The following FAM83G variants were observed in gnomAD, a reference collection of about 807,000 sequenced individuals.
FAM83G encodes the protein scaffolding CK1 anchoring protein G.
Under a neutral mutation model 61.5 loss-of-function variants are expected in FAM83G, and 38 were observed. The observed-to-expected ratio is 0.62, with a 90% CI of 0.48 to 0.81. FAM83G has a LOEUF of 0.81. FAM83G is among the 30% of genes least tolerant of loss of function. FAM83G has a pLI of 0.00. For synonymous variants in FAM83G, 470 were observed against 476.1 expected (o/e 0.99, Z 0.17); for missense variants, 989 against 1,133.6 (o/e 0.87, Z 1.83).
At position 18,970,279 on chromosome 17, in the gene FAM83G, G is replaced by A. The variant is rs1210940520; in HGVS notation, c.*1080C>T. 2.6e-5 allele frequency: 4 copies of A among 152,328 alleles called. No homozygotes were observed. Among genetic ancestry groups the A allele is most frequent in the Non-Finnish European group, 5.9e-5 (4 of 68,162 alleles). 9.4% of individuals were successfully genotyped at this position (152,328 alleles called of 1,614,324 possible). On this transcript the variant is annotated 3_prime_UTR_variant, in exon 6 of 6. Coordinates refer to ENST00000388995, the MANE Select transcript of FAM83G (RefSeq NM_001039999.3). ...CAGGCTTCTCCCTCTCAGACCAGGG[G>A]CTCTAGTGTCCCTGGGACCCACCGC...
At position 18,980,302 on chromosome 17, in the gene FAM83G, C is replaced by T. The variant is rs542080045; in HGVS notation, c.691-629G>A. On this transcript the variant is annotated intron_variant, in intron 3 of 5. Transcript: ENST00000388995. ...CATGGCCAGGACACCACCCAGCACC[C>T]AGGCCAGGTCCTGTAAATGGTCAGA... Among the ~76,000 whole-genome samples the T allele has an allele frequency of 2.1e-4, 32 of 152,268 alleles. No individual in the cohort carries two copies. In the East Asian group the frequency reaches 5.0e-3, roughly 24 times the overall value.
chr17:19,004,088 C>T lies in FAM83G; in HGVS notation c.-47G>A. The T allele has an allele frequency of 1.3e-6, 2 of 1,534,292 alleles. No homozygotes were observed. Among genetic ancestry groups the T allele is most frequent in the Non-Finnish European group, 1.8e-6 (2 of 1,141,316 alleles). On this transcript the variant is annotated 5_prime_UTR_variant, in exon 2 of 6. The change creates a premature stop within an existing upstream ORF in the 5' untranslated region. Transcript: ENST00000388995. This position sits in a 1 kb window ranked among gnomAD's most constrained non-coding sequence, Gnocchi z 5.4. ...GCTGCCGGGGGTGGGTGGGCAAGGT[C>T]CAGCTCCTAGCTCCGGCCCAGCTGG...
upstream of FAM83G, among the ~76,000 whole-genome samples, chr17:19,005,043 C>A (rs1163370950): frequency 1.3e-5 from 2 of 152,226 alleles, no homozygotes; most frequent in Non-Finnish European, 2.9e-5. Context: ...CCCTGTGCCC[C>A]CAGGGTCTGT....
At chr17:19,004,930 G>A (rs1739735014), upstream of FAM83G, 1 of 152,218 alleles carries the variant, frequency 6.6e-6, no homozygotes, top group Admixed American at 6.5e-5. The surrounding 1 kb of genome is among the most constrained non-coding windows in gnomAD (Gnocchi z 5.4). Flanking sequence ...CCCGAATTCC[G>A]AAAATATCAG....
In FAM83G at chr17:19,004,015, C is replaced by G; in HGVS notation, c.27G>C (p.Leu9=). The change falls in exon 2 of 6, where the codon CTG becomes CTC. Residue 9 remains leucine, a synonymous_variant. Coordinates refer to ENST00000388995, the MANE Select transcript of FAM83G (RefSeq NM_001039999.3). This position sits in a 1 kb window ranked among gnomAD's most constrained non-coding sequence, Gnocchi z 5.4. MAFSQVQC[L]DDNHVNWRSS... ...AGCGCCAGTTCACATGGTTGTCGTCCAGACACTGCACCTGAGAGAAGGCCA... is the reference window on the plus strand; with the variant it reads ...AGCGCCAGTTCACATGGTTGTCGTCGAGACACTGCACCTGAGAGAAGGCCA... 6.2e-7 allele frequency: 1 copy of G among 1,607,884 alleles called. No homozygotes were observed. Among genetic ancestry groups the G allele is most frequent in the Non-Finnish European group, 8.5e-7 (1 of 1,176,968 alleles).
intron 5 of FAM83G, chr17:18,976,873 T>C (rs2042993222): frequency 6.2e-7 from 1 of 1,613,432 alleles, no homozygotes; most frequent in Non-Finnish European, 8.5e-7. Context: ...CAGCGATCAC[T>C]GTCAGCCCGG....
chr17:18,978,690 T>C lies in FAM83G; in HGVS notation c.976A>G (p.Ile326Val), dbSNP rs755655474. 29 of 1,612,898 alleles carry C rather than the reference T, an allele frequency of 1.8e-5. No individual in the cohort carries two copies. The highest frequency in any genetic ancestry group is 2.5e-5 in the Non-Finnish European group (29 of 1,179,976). The part of the protein sequence containing the change: ...PMEKEPEPEP[I>V]VLPSVVPLVP... ...AGGGGGACCACAGAGGGCAGCACAATAGGCTCCGGCTCCGGTTCCTTCTCC... is the reference window on the plus strand; with the variant it reads ...AGGGGGACCACAGAGGGCAGCACAACAGGCTCCGGCTCCGGTTCCTTCTCC... The change falls in exon 5 of 6, where the codon ATT becomes GTT. Residue 326 changes from isoleucine (I) to valine (V), a missense_variant. Physicochemically the swap from Ile to Val is conservative, Grantham distance 29. Coordinates refer to ENST00000388995, the MANE Select transcript of FAM83G (RefSeq NM_001039999.3).
intron 2 of FAM83G, among the ~76,000 whole-genome samples, chr17:18,995,349 A>T (rs576861146): frequency 8.5e-4 from 129 of 152,350 alleles, no homozygotes; most frequent in African/African-American, 3.1e-3. Flanking sequence ...GACGAAAAAT[A>T]TACTAGGTGG....
chr17:18,981,360 C>T (rs536078850), intron 3 of FAM83G, among the ~76,000 whole-genome samples: 5 of 152,196 alleles, frequency 3.3e-5, no homozygotes, highest in African/African-American at 4.8e-5. Flanking sequence ...CGAGCAGGGG[C>T]GGGCTCCTGG....
intron 3 of FAM83G, among the ~76,000 whole-genome samples, chr17:18,979,905 G>A (rs114381805): frequency 0.011 from 1,677 of 152,328 alleles, 27 homozygotes; most frequent in African/African-American, 0.038. Context: ...CTGGTACAAA[G>A]GGGTTGGCAT....
chr17:18,976,687 TG>T, intron 5 of FAM83G: 2 of 858,152 alleles, frequency 2.3e-6, no homozygotes, highest in Non-Finnish European at 3.5e-6. Context: ...GCTCTCCTGG[TG>T]GGACCCTGAC....
At chr17:18,980,342 C>T (rs762622436) in intron 3 of FAM83G, among the ~76,000 whole-genome samples, 7 of 152,256 alleles carry the variant, frequency 4.6e-5, no homozygotes, top group Non-Finnish European at 8.8e-5. Context: ...CAATTCTGTG[C>T]CGGCTTACAC....
chr17:18,968,945 C>T lies in FAM83G; in HGVS notation c.*2414G>A. The T allele has an allele frequency of 9.4e-7, 1 of 1,060,014 alleles. No homozygotes were observed. Among genetic ancestry groups the T allele is most frequent in the South Asian group, 1.6e-5 (1 of 62,478 alleles). 65.7% of individuals were successfully genotyped at this position (1,060,014 alleles called of 1,614,324 possible). ...GCGAGTGGGGGTCTCCCCTCCTTATCCACAGGCCACCGAGGCCCAGAGAGG... is the reference window on the plus strand; with the variant it reads ...GCGAGTGGGGGTCTCCCCTCCTTATTCACAGGCCACCGAGGCCCAGAGAGG... On this transcript the variant is annotated 3_prime_UTR_variant, in exon 6 of 6. Transcript: ENST00000388995. This position sits in a 1 kb window ranked among gnomAD's most constrained non-coding sequence, Gnocchi z 4.1.
In FAM83G at chr17:18,978,445, C is replaced by T. The variant is rs2043042036; in HGVS notation, c.1221G>A (p.Met407Ile). 2 of 1,603,996 alleles carry T rather than the reference C, an allele frequency of 1.2e-6. No homozygotes were observed. The highest frequency in any genetic ancestry group is 1.7e-6 in the Non-Finnish European group (2 of 1,175,268). ...CCACCCACGTGGGCAGGTACTCAAACATGTTGGCCCTCTCCAGGTGAAGCA... is the reference window on the plus strand; with the variant it reads ...CCACCCACGTGGGCAGGTACTCAAATATGTTGGCCCTCTCCAGGTGAAGCA... Reference protein sequence around the residue: ...PGLLHLERANMFEYLPTWVEP... With the variant: ...PGLLHLERANIFEYLPTWVEP... The change falls in exon 5 of 6, where the codon ATG (methionine) becomes ATA (isoleucine). Residue 407 changes from methionine to isoleucine, a missense_variant. By Grantham distance (10) the Met-to-Ile change is conservative. Transcript: ENST00000388995.
intron 3 of FAM83G, among the ~76,000 whole-genome samples, chr17:18,982,276 G>A (rs1212313736): frequency 6.6e-6 from 1 of 152,018 alleles, no homozygotes; most frequent in African/African-American, 2.4e-5. Context: ...GCAGGTGGGG[G>A]CCTGCAGCAG....
At chr17:18,974,692 C>T (rs971168648) in intron 5 of FAM83G, among the ~76,000 whole-genome samples, 6 of 152,226 alleles carry the variant, frequency 3.9e-5, no homozygotes, top group South Asian at 4.1e-4. Context: ...TCACATTCAC[C>T]GGAGGCCCTT....
At chr17:18,974,977 C>G (rs957308458) in intron 5 of FAM83G, among the ~76,000 whole-genome samples, 9 of 152,196 alleles carry the variant, frequency 5.9e-5, no homozygotes, top group African/African-American at 2.2e-4. Context: ...GGGGGACTGG[C>G]AGGCCTCACA....
intron 3 of FAM83G, among the ~76,000 whole-genome samples, chr17:18,982,362 G>A (rs1332238464): frequency 1.3e-5 from 2 of 152,242 alleles, no homozygotes; most frequent in African/African-American, 4.8e-5. Flanking sequence ...GGCCTGGCCT[G>A]GATGAGGTAA....
chr17:18,971,858 G>T lies in FAM83G; in HGVS notation c.2083-110C>A. On this transcript the variant is annotated intron_variant, in intron 5 of 5. Coordinates refer to ENST00000388995, the MANE Select transcript of FAM83G (RefSeq NM_001039999.3). This position sits in a 1 kb window ranked among gnomAD's most constrained non-coding sequence, Gnocchi z 5.5. ...CCGGCAGGCCCGGGTTCGCCTCCTGGCTCTGCCATTCACCAGGGAGTGGGC... is the reference window on the plus strand; with the variant it reads ...CCGGCAGGCCCGGGTTCGCCTCCTGTCTCTGCCATTCACCAGGGAGTGGGC... 8.2e-7 allele frequency: 1 copy of T among 1,219,506 alleles called. No homozygotes were observed. The highest frequency in any genetic ancestry group is 1.1e-6 in the Non-Finnish European group (1 of 891,598). 75.5% of individuals were successfully genotyped at this position (1,219,506 alleles called of 1,614,324 possible).
Sources: allele counts gnomAD v4.1 joint callset (sites outside exome capture counted in the v4.1 genomes callset), GRCh38; gene constraint gnomAD v4.1.1; non-coding constraint Gnocchi (gnomAD v3.1); transcripts MANE v1.5; gene names NCBI Gene and HGNC (gene_info 2026-07-23, HGNC 2026-07-21).